Variants in EZR observed in about 807,000 individuals in gnomAD.
EZR encodes cytovillin 2.
A neutral mutation model predicts 74.8 loss-of-function variants in EZR; 40 were observed. The ratio of observed to expected loss-of-function variants is 0.53; its 90% CI spans 0.42 to 0.70. The LOEUF (loss-of-function observed/expected upper bound fraction) is 0.70, where lower values mean the gene tolerates loss of function less well. Ranked by LOEUF, EZR falls within the 30% of genes least tolerant of loss-of-function variation. The pLI is 0.00. For missense variants in EZR, 678 were observed against 755.8 expected (o/e 0.90, Z 1.21); for synonymous variants, 341 against 283.3 (o/e 1.20, Z -2.05).
chr6:158,813,331 G>C (rs1461899414), intron 2 of EZR, among the ~76,000 whole-genome samples: 1 of 152,154 alleles, frequency 6.6e-6, no homozygotes, highest in Non-Finnish European at 1.5e-5. Flanking sequence ...CCCCTCTTCA[G>C]GCATACTCTC....
chr6:158,784,497 A>T, intron 6 of EZR, 147 bp downstream of exon 6: 1 of 658,478 alleles, frequency 1.5e-6, no homozygotes, highest in South Asian at 2.3e-5. Context: ...CCTCTTCCCT[A>T]AGAAAACCCC....
Position 158,769,382 on chromosome 6 carries a change from G to A in EZR, c.1288C>T (p.Leu430Phe), listed in dbSNP as rs1332029658. The A allele has an allele frequency of 6.2e-7, 1 of 1,608,766 alleles. No individual in the cohort carries two copies. Residue 430 changes from leucine to phenylalanine, a missense_variant, in exon 12 of 14, where the codon CTC becomes TTC. Leu to Phe is a conservative substitution (Grantham distance 22). Around this residue, in one of 3 missense-constraint regions of EZR, gnomAD observed 342 missense variants for 341.2 expected, o/e 1.00. Coordinates refer to ENST00000367075, the MANE Select transcript of EZR (RefSeq NM_001111077.2). ...TTGCGCCTCCGCGCCTCTTCCAGGA[G>A]GGCAATCTTGGCAGTGTATTCTGCA... is the stretch of plus-strand genomic sequence containing the variant. The part of the protein sequence containing the change: ...ELAEYTAKIA[L>F]LEEARRRKED...
Position 158,776,478 on chromosome 6 carries a change from C to T in EZR, c.725G>A (p.Trp242Ter). 1 of 1,613,432 alleles carries T rather than the reference C, an allele frequency of 6.2e-7. No individual in the cohort carries two copies. The highest frequency in any genetic ancestry group is 8.5e-7 in the Non-Finnish European group (1 of 1,179,802). The change falls in exon 8 of 14, where the codon TGG becomes TAG. Residue 242 changes from tryptophan to a stop codon, truncating the protein, a stop_gained. Coordinates refer to ENST00000367075, the MANE Select transcript of EZR (RefSeq NM_001111077.2). LOFTEE classifies it high-confidence loss of function. ...GAAAGAGATGTTCCTGATTTCACTC[C>T]AAGGAAAGCCAATCTTTGGGGTTAA... Reference protein sequence around the residue: ...DKLTPKIGFPWSEIRNISFND... With the variant: ...DKLTPKIGFP
At position 158,818,109 on chromosome 6, in the gene EZR, A is replaced by G. The variant is rs558986638; in HGVS notation, c.-16T>C. 40 of 1,607,588 alleles carry G rather than the reference A, an allele frequency of 2.5e-5. No homozygotes were observed. In the South Asian group the frequency reaches 3.2e-4, roughly 13 times the overall value. On this transcript the variant is annotated 5_prime_UTR_variant, in exon 2 of 14. Transcript: ENST00000367075. ...GTTTCGGCATTTTCGGTTTCTGGTG[A>G]GTATCCTCGATCCCCGAAAACACGA...
intron 2 of EZR, among the ~76,000 whole-genome samples, chr6:158,816,150 T>C (rs966115571): frequency 6.6e-6 from 1 of 152,106 alleles, no homozygotes; most frequent in Non-Finnish European, 1.5e-5. Flanking sequence ...GAAAGTAGAA[T>C]GGTGGTTGCC....
At chr6:158,771,967 A>G (rs1283241731) in intron 8 of EZR, among the ~76,000 whole-genome samples, 1 of 151,854 alleles carries the variant, frequency 6.6e-6, no homozygotes, top group East Asian at 1.9e-4. Context: ...CACCACCCCG[A>G]CCCATCACTG....
At chr6:158,815,737 C>T (rs1454750560) in intron 2 of EZR, among the ~76,000 whole-genome samples, 3 of 152,232 alleles carry the variant, frequency 2.0e-5, no homozygotes, top group Non-Finnish European at 4.4e-5. Context: ...GCTGGGATTA[C>T]AGGCTCGTGC....
chr6:158,798,662 C>T (rs1471545336), intron 2 of EZR, among the ~76,000 whole-genome samples: 1 of 146,464 alleles, frequency 6.8e-6, no homozygotes, highest in East Asian at 2.1e-4. Flanking sequence ...AAGGGTCTCT[C>T]GCTCTGTTGC....
chr6:158,785,370 C>A lies in EZR; in HGVS notation c.406G>T (p.Asp136Tyr). ...GACTTGTGCACTTCTTTGTTGTAGTCCCCAAACTTGGCCTGCACAGCGTAG... is the reference window on the plus strand; with the variant it reads ...GACTTGTGCACTTCTTTGTTGTAGTACCCAAACTTGGCCTGCACAGCGTAG... ...GSYAVQAKFG[D>Y]YNKEVHKSGY... The change falls in exon 5 of 14, where the codon GAC becomes TAC. Residue 136 changes from aspartate to tyrosine, a missense_variant. By Grantham distance (160) the Asp-to-Tyr change is radical (BLOSUM62 -3). Coordinates refer to ENST00000367075, the MANE Select transcript of EZR (RefSeq NM_001111077.2). The A allele has an allele frequency of 6.2e-7, 1 of 1,614,216 alleles. No homozygotes were observed. The highest frequency in any genetic ancestry group is 1.1e-5 in the South Asian group (1 of 91,084).
At chr6:158,773,355 T>C (rs1583558381) in intron 8 of EZR, among the ~76,000 whole-genome samples, 2 of 152,142 alleles carry the variant, frequency 1.3e-5, no homozygotes, top group South Asian at 2.1e-4. Context: ...AGGAAATCTC[T>C]CCCAGTGCCT....
At chr6:158,778,407 A>G (rs1156929087) in intron 7 of EZR, among the ~76,000 whole-genome samples, 2 of 152,268 alleles carry the variant, frequency 1.3e-5, no homozygotes, top group Non-Finnish European at 2.9e-5. Context: ...GCATAACTGC[A>G]GTATCAAAAC....
chr6:158,797,129 C>T (rs1490282408), intron 2 of EZR, among the ~76,000 whole-genome samples: 1 of 152,098 alleles, frequency 6.6e-6, no homozygotes, highest in Admixed American at 6.6e-5. Context: ...TTATAGGTTA[C>T]CTCTACAATC....
chr6:158,772,760 T>C (rs183911249), intron 8 of EZR, among the ~76,000 whole-genome samples: 3 of 152,316 alleles, frequency 2.0e-5, no homozygotes, highest in Admixed American at 2.0e-4. Flanking sequence ...AGCATCCAGC[T>C]TCTGACCATT....
At chr6:158,803,421 G>T (rs1405076141) in intron 2 of EZR, among the ~76,000 whole-genome samples, 1 of 149,506 alleles carries the variant, frequency 6.7e-6, no homozygotes, top group Admixed American at 6.7e-5. Flanking sequence ...GTGTAGCTCT[G>T]GCTCTTTAAC....
chr6:158,807,710 C>T lies in EZR; in HGVS notation c.12+10372G>A, dbSNP rs369764998. 3.2e-4 allele frequency among the ~76,000 whole-genome samples: 48 copies of T among 152,280 alleles called. No homozygotes were observed. In the South Asian group the frequency reaches 6.6e-3, roughly 21 times the overall value. ...GCCTAGGTGAAAATTTACAGTAGCA[C>T]GCTCACCACCCCCTGACGATGTATT... On this transcript the variant is annotated intron_variant, in intron 2 of 13. Transcript: ENST00000367075.
At position 158,791,888 on chromosome 6, in the gene EZR, T is replaced by C. The variant is rs573426412; in HGVS notation, c.13-2517A>G. Among the ~76,000 whole-genome samples, 4 of 151,914 alleles carry C rather than the reference T, an allele frequency of 2.6e-5. No individual in the cohort carries two copies. The South Asian group carries it at 8.3e-4, about 32-fold the overall frequency. On this transcript the variant is annotated intron_variant, in intron 2 of 13. Coordinates refer to ENST00000367075, the MANE Select transcript of EZR (RefSeq NM_001111077.2). ...AACACCCAGCTAATTTTTTGTATTT[T>C]TAGTAGAGACAGGGTTTCACCGTGT...
At chr6:158,803,999 C>A (rs1379482423) in intron 2 of EZR, among the ~76,000 whole-genome samples, 2 of 152,106 alleles carry the variant, frequency 1.3e-5, no homozygotes, top group South Asian at 2.1e-4. Flanking sequence ...ATCTGGGAGG[C>A]AGAAAGGAGC....
intron 7 of EZR, among the ~76,000 whole-genome samples, chr6:158,779,294 C>CA (rs918829419): frequency 3.9e-5 from 6 of 151,912 alleles, no homozygotes; most frequent in East Asian, 1.9e-4. Context: ...AAGGTCATGA[C>CA]AAAAAAAGAC....
chr6:158,769,572 C>A (rs1791031920), intron 11 of EZR, among the ~76,000 whole-genome samples, 154 bp from the exon 12 acceptor site: 2 of 152,122 alleles, frequency 1.3e-5, no homozygotes, highest in South Asian at 4.1e-4. Context: ...CCATTGTGCA[C>A]CCCCGGCATC....
Sources: allele counts gnomAD v4.1 joint callset (sites outside exome capture counted in the v4.1 genomes callset), GRCh38; gene constraint gnomAD v4.1.1; regional missense constraint gnomAD v4.1.1; transcripts MANE v1.5; gene names NCBI Gene and HGNC (gene_info 2026-07-23, HGNC 2026-07-21).